The following DNAAF5 variants were observed in gnomAD, a reference collection of about 807,000 sequenced individuals.
DNAAF5 encodes dynein axonemal assembly factor 5.
Under a neutral mutation model 75.8 loss-of-function variants are expected in DNAAF5, and 64 were observed. The ratio of observed to expected loss-of-function variants is 0.84; its 90% CI spans 0.69 to 1.04. The LOEUF (loss-of-function observed/expected upper bound fraction) is 1.04. DNAAF5 is among the 50% of genes least tolerant of loss of function. The pLI is 0.00. For synonymous variants in DNAAF5, 657 were observed against 557.2 expected (o/e 1.18, Z -2.52); for missense variants, 1,269 against 1,178.5 (o/e 1.08, Z -1.12).
chr7:786,407 A>G lies in DNAAF5; in HGVS notation c.*754A>G, dbSNP rs1779151045. On this transcript the variant is annotated 3_prime_UTR_variant, in exon 13 of 13. Transcript: ENST00000297440. Reference sequence around the variant, plus strand: ...TGTTCACACGGGGGAAATGCCGTATATATTTTTCAACAAATATTAACGTTT... The same window carrying G: ...TGTTCACACGGGGGAAATGCCGTATGTATTTTTCAACAAATATTAACGTTT... 1.3e-5 allele frequency: 2 copies of G among 152,254 alleles called. No individual in the cohort carries two copies. The highest frequency in any genetic ancestry group is 6.5e-5 in the Admixed American group (1 of 15,290). 9.4% of individuals were successfully genotyped at this position (152,254 alleles called of 1,614,324 possible). A position where few individuals can be genotyped will look rare whatever the true frequency, so the allele number is the denominator to read the frequency against.
At chr7:760,840 C>T (rs1782622125) in intron 6 of DNAAF5, among the ~76,000 whole-genome samples, 1 of 152,206 alleles carries the variant, frequency 6.6e-6, no homozygotes, top group Admixed American at 6.5e-5. Flanking sequence ...ACTCCACCTC[C>T]CCGTCAATCA....
chr7:740,688 G>T, intron 2 of DNAAF5, 131 bp from the exon 3 acceptor site: 1 of 1,300,932 alleles, frequency 7.7e-7, no homozygotes, highest in African/African-American at 1.5e-5. Flanking sequence ...GGCGGTGGTA[G>T]GTGGCCCAGG....
rs1197499424 is a variant in DNAAF5, at chr7:763,855, G to A, written c.1664G>A (p.Cys555Tyr). The A allele has an allele frequency of 1.2e-6, 2 of 1,613,414 alleles. No homozygotes were observed. Among genetic ancestry groups the A allele is most frequent in the Non-Finnish European group, 1.7e-6 (2 of 1,180,038 alleles). ...GCCATGGTGGAGGGTGTCAGCAGCT[G>A]CCAGGACCTCTACCGCAAGCACATT... is the stretch of plus-strand genomic sequence containing the variant. Reference protein sequence around the residue: ...SLAMVEGVSSCQDLYRKHIGP... With the variant: ...SLAMVEGVSSYQDLYRKHIGP... Residue 555 changes from cysteine to tyrosine, a missense_variant, in exon 8 of 13, where the codon TGC becomes TAC. Physicochemically the swap from Cys to Tyr is radical, Grantham distance 194 (BLOSUM62 -2). Coordinates refer to ENST00000297440, the MANE Select transcript of DNAAF5 (RefSeq NM_017802.4).
intron 4 of DNAAF5, among the ~76,000 whole-genome samples, chr7:752,352 G>C (rs1055375065): frequency 6.8e-6 from 1 of 147,312 alleles, no homozygotes; most frequent in Non-Finnish European, 1.5e-5. Context: ...AAAGACCGCA[G>C]AGTGATGACG....
Position 727,228 on chromosome 7 carries a change from G to A in DNAAF5, c.508G>A (p.Ala170Thr). The A allele has an allele frequency of 7.4e-7, 1 of 1,348,746 alleles. No homozygotes were observed. Among genetic ancestry groups the A allele is most frequent in the Non-Finnish European group, 9.5e-7 (1 of 1,050,596 alleles). The allele number at this position is 1,348,746 out of a possible 1,614,324, so 83.5% of individuals were successfully genotyped here. A position where few individuals can be genotyped will look rare whatever the true frequency, so the allele number is the denominator to read the frequency against. Residue 170 changes from alanine to threonine, a missense_variant, in exon 1 of 13, where the codon GCG becomes ACG. Transcript: ENST00000297440. ...GCCCCACCTGGACGACGCTCTGCGCGCGCTGCGCTGCTCCCTGCTCGACCC... is the reference window on the plus strand; with the variant it reads ...GCCCCACCTGGACGACGCTCTGCGCACGCTGCGCTGCTCCCTGCTCGACCC... ...LAPHLDDALR[A>T]LRCSLLDPFA...
intron 6 of DNAAF5, among the ~76,000 whole-genome samples, chr7:758,749 C>A (rs1478291759): frequency 1.3e-5 from 2 of 152,104 alleles, no homozygotes; most frequent in Non-Finnish European, 2.9e-5. Flanking sequence ...GTGGCGCAAT[C>A]TTGGCTCACT....
intron 2 of DNAAF5, 107 bp downstream of exon 2, chr7:729,954 C>G: frequency 1.9e-6 from 2 of 1,050,406 alleles, no homozygotes; most frequent in Middle Eastern, 2.1e-4. Context: ...GCTGTATGCA[C>G]CAAATGTCCT....
At chr7:729,903 C>A in intron 2 of DNAAF5, 56 bp downstream of exon 2, 2 of 1,560,140 alleles carry the variant, frequency 1.3e-6, no homozygotes, top group East Asian at 4.5e-5. Flanking sequence ...GGCGGGCTGA[C>A]GTGCTGTTTT....
chr7:743,115 A>G (rs532721868), intron 4 of DNAAF5, among the ~76,000 whole-genome samples: 9 of 152,292 alleles, frequency 5.9e-5, no homozygotes, highest in African/African-American at 2.2e-4. Flanking sequence ...CTGTATCCCA[A>G]CTACGCGGGG....
intron 8 of DNAAF5, among the ~76,000 whole-genome samples, chr7:767,010 C>T (rs564368439): frequency 3.3e-5 from 5 of 152,110 alleles, no homozygotes; most frequent in South Asian, 2.1e-4. Flanking sequence ...GAGGCCGAGG[C>T]AGGCAGATCC....
At chr7:745,839 G>T (rs1782083317) in intron 4 of DNAAF5, among the ~76,000 whole-genome samples, 1 of 152,248 alleles carries the variant, frequency 6.6e-6, no homozygotes, top group Non-Finnish European at 1.5e-5. Flanking sequence ...GGAAACACAG[G>T]CTCTTTGGAG....
chr7:773,938 G>A, intron 9 of DNAAF5, 110 bp from the exon 10 acceptor site: 1 of 1,299,460 alleles, frequency 7.7e-7, no homozygotes, highest in South Asian at 1.2e-5. Flanking sequence ...TTGGGGTCGA[G>A]TTCGTTTTCC....
intron 4 of DNAAF5, among the ~76,000 whole-genome samples, chr7:745,635 ATATCCTCACACACGTACACACT>A (rs1432627384): frequency 1.3e-5 from 2 of 152,252 alleles, no homozygotes; most frequent in East Asian, 1.9e-4. Context: ...GTGTACATGT[ATATCCTCACACACGTACACACT>A]TATCCTCACA....
At position 776,560 on chromosome 7, in the gene DNAAF5, G is replaced by A. The variant is rs1399568442; in HGVS notation, c.2239+1398G>A. On this transcript the variant is annotated intron_variant, in intron 11 of 12. Transcript: ENST00000297440. ...CGGCTGGAGCTGCCTGTGGGGAGACGGGGCCGGGCCACCCTGCAGCAGGAC... is the reference window on the plus strand; with the variant it reads ...CGGCTGGAGCTGCCTGTGGGGAGACAGGGCCGGGCCACCCTGCAGCAGGAC... Among the ~76,000 whole-genome samples, 3 of 152,134 alleles carry A rather than the reference G, an allele frequency of 2.0e-5. No individual in the cohort carries two copies. In the East Asian group the frequency reaches 5.8e-4, roughly 29 times the overall value.
rs531604751 is a variant in DNAAF5 at position 742,037 on chromosome 7, C to T, written c.1024+572C>T. On this transcript the variant is annotated intron_variant, in intron 4 of 12. Transcript: ENST00000297440. ...TTGCGGGCACCCATGTGCATCTCTC[C>T]GCAGAGCCCAGCAGGTCTGGCTGAG... Among the ~76,000 whole-genome samples, 146 of 152,358 alleles carry T rather than the reference C, an allele frequency of 9.6e-4. 1 individual carries two copies. The highest frequency in any genetic ancestry group is 3.3e-3 in the African/African-American group (138 of 41,578).
chr7:744,507 A>C (rs1367831009), intron 4 of DNAAF5, among the ~76,000 whole-genome samples: 2 of 152,226 alleles, frequency 1.3e-5, no homozygotes, highest in Non-Finnish European at 2.9e-5. Context: ...ATGAACAGAC[A>C]CTTCTCAAAA....
At chr7:781,926 A>G (rs565352434) in intron 12 of DNAAF5, among the ~76,000 whole-genome samples, 224 of 152,322 alleles carry the variant, frequency 1.5e-3, no homozygotes, top group Admixed American at 5.4e-3. Context: ...ACAGTCTCCC[A>G]TCCCGTACCC....
chr7:761,562 A>G, intron 6 of DNAAF5, among the ~76,000 whole-genome samples, 191 bp from the exon 7 acceptor site: 1 of 152,200 alleles, frequency 6.6e-6, no homozygotes, highest in Admixed American at 6.5e-5. Context: ...CCTTTATACT[A>G]ACATCAGATC....
At chr7:737,392 A>C (rs916973466) in intron 2 of DNAAF5, among the ~76,000 whole-genome samples, 34 of 152,290 alleles carry the variant, frequency 2.2e-4, no homozygotes, top group East Asian at 5.8e-4. Context: ...CACTGCACCC[A>C]ACCAGTTAGT....
Sources: allele counts gnomAD v4.1 joint callset (sites outside exome capture counted in the v4.1 genomes callset), GRCh38; gene constraint gnomAD v4.1.1; transcripts MANE v1.5; gene names NCBI Gene and HGNC (gene_info 2026-07-23, HGNC 2026-07-21).